IRAG2: variants seen among roughly 807,000 people sequenced by gnomAD.
IRAG2 encodes the protein lymphoid restricted membrane protein.
IRAG2 carries 45 observed loss-of-function variants against 69.9 expected under a neutral mutation model. The observed-to-expected ratio is 0.64, with a 90% CI of 0.51 to 0.83. The LOEUF is 0.83. IRAG2 is among the 40% of genes least tolerant of loss of function. The pLI is 0.00. For synonymous variants in IRAG2, 193 were observed against 202.4 expected, an observed-to-expected ratio of 0.95 and a Z score of 0.40; for missense variants, 520 against 587.0, an observed-to-expected ratio of 0.89 and a Z score of 1.18.
chr12:25,044,753 A>G (rs1944778824), intron 16 of IRAG2, among the ~76,000 whole-genome samples: 2 of 152,170 alleles, frequency 1.3e-5, no homozygotes, highest in Admixed American at 1.3e-4. Flanking sequence ...GAACCTAAAT[A>G]TATAAAGCAA....
chr12:25,093,593 CT>C (rs1323987954), intron 14 of IRAG2: 9 of 153,340 alleles, frequency 5.9e-5, no homozygotes, highest in Non-Finnish European at 1.2e-4. Context: ...GCTCGAGCTT[CT>C]TTTTGCTTCT....
rs1481196711 is a variant in IRAG2 at position 25,010,475 on chromosome 12, AC to A, written c.689-868del. Reference sequence around the variant, plus strand: ...AGCAAGACCCTGTGTCAAAAAACAAACAAAAAAAAAAAACAGTTCTCTCTCT... The same window carrying A: ...AGCAAGACCCTGTGTCAAAAAACAAAAAAAAAAAAAAACAGTTCTCTCTCT... On this transcript the variant is annotated intron_variant, in intron 2 of 38. Transcript: ENST00000636465. Among the ~76,000 whole-genome samples the A allele has an allele frequency of 1.3e-3, 114 of 89,828 alleles. 1 individual carries two copies. Among genetic ancestry groups the A allele is most frequent in the African/African-American group, 3.9e-3 (105 of 26,788 alleles). 58.9% of individuals were successfully genotyped at this position (89,828 alleles called of 152,430 possible). A position where few individuals can be genotyped will look rare whatever the true frequency, so the allele number is the denominator to read the frequency against.
intron 14 of IRAG2, chr12:25,035,916 T>C (rs1455050542): frequency 2.5e-6 from 1 of 396,486 alleles, no homozygotes; most frequent in East Asian, 3.6e-5. Context: ...TAATACACTC[T>C]GAAAAGCGAA....
chr12:25,071,930 G>A (rs926471043), intron 6 of IRAG2, among the ~76,000 whole-genome samples: 5 of 152,122 alleles, frequency 3.3e-5, no homozygotes, highest in South Asian at 2.1e-4. Flanking sequence ...TGGGCTGGGC[G>A]CAGTGGCACA....
At chr12:25,031,994 C>T (rs991551320) in intron 10 of IRAG2, 1 of 389,822 alleles carries the variant, frequency 2.6e-6, no homozygotes, top group African/African-American at 2.1e-5. Flanking sequence ...AAAACACCGA[C>T]TGGTTCAGTT....
At chr12:25,031,916 C>T (rs1944670918) in intron 10 of IRAG2, among the ~76,000 whole-genome samples, 1 of 152,174 alleles carries the variant, frequency 6.6e-6, no homozygotes, top group Non-Finnish European at 1.5e-5. Context: ...CCCTCCTCGG[C>T]CTCCCAAAGT....
intron 1 of IRAG2, among the ~76,000 whole-genome samples, chr12:25,058,781 G>A (rs1215528529): frequency 6.6e-6 from 1 of 152,210 alleles, no homozygotes; most frequent in Non-Finnish European, 1.5e-5. Context: ...CTACATGGCA[G>A]ATGGCAACAG....
chr12:25,102,498 C>T (rs755541482), intron 17 of IRAG2: 3 of 454,172 alleles, frequency 6.6e-6, no homozygotes, highest in Non-Finnish European at 1.2e-5. Flanking sequence ...AAGTGGGTAA[C>T]CCGACAATGG....
At chr12:25,082,492 T>C (rs1249345835) in intron 9 of IRAG2, among the ~76,000 whole-genome samples, 2 of 151,504 alleles carry the variant, frequency 1.3e-5, no homozygotes, top group Non-Finnish European at 2.9e-5. Flanking sequence ...CCCAGACACT[T>C]GGGAGGCTGA....
At chr12:25,018,245 G>A (rs1216034061) in intron 6 of IRAG2, among the ~76,000 whole-genome samples, 1 of 131,468 alleles carries the variant, frequency 7.6e-6, no homozygotes, top group East Asian at 2.2e-4. Context: ...CACCCAGGCT[G>A]TAGTGCAGCG....
At chr12:25,031,306 C>T (rs2139847594) in intron 10 of IRAG2, among the ~76,000 whole-genome samples, 1 of 152,294 alleles carries the variant, frequency 6.6e-6, no homozygotes, top group Non-Finnish European at 1.5e-5. Context: ...CACCGTTCTG[C>T]ACTCCTGCTC....
intron 9 of IRAG2, among the ~76,000 whole-genome samples, chr12:25,027,598 G>A (rs1472346799): frequency 3.3e-5 from 5 of 152,004 alleles, no homozygotes; most frequent in Admixed American, 3.3e-4. Flanking sequence ...GTTTCACCAT[G>A]TTAGCCAGGA....
At chr12:25,106,650 G>A (rs1949160951) in intron 20 of IRAG2, among the ~76,000 whole-genome samples, 2 of 140,060 alleles carry the variant, frequency 1.4e-5, no homozygotes, top group African/African-American at 5.0e-5. Context: ...TTCCCTTTTT[G>A]TATATACTTG....
At chr12:25,095,782 A>AT (rs978539674) in intron 14 of IRAG2, among the ~76,000 whole-genome samples, 2 of 152,256 alleles carry the variant, frequency 1.3e-5, no homozygotes, top group Admixed American at 6.5e-5. Context: ...TTATTGGGTG[A>AT]TTTTTGATTA....
intron 6 of IRAG2, chr12:25,076,676 G>GT (rs1489673455): frequency 6.6e-6 from 6 of 902,334 alleles, no homozygotes; most frequent in African/African-American, 3.6e-5. Flanking sequence ...AGTGTGTAGT[G>GT]TTTTTTAGTT....
intron 4 of IRAG2, among the ~76,000 whole-genome samples, chr12:25,064,864 C>T (rs551055026): frequency 2.3e-4 from 35 of 152,136 alleles, no homozygotes; most frequent in Admixed American, 5.2e-4. Flanking sequence ...CCGAGGTGGG[C>T]GGATTGCTTG....
upstream of IRAG2, among the ~76,000 whole-genome samples, chr12:25,047,710 C>T (rs1268749901): frequency 3.9e-5 from 6 of 152,076 alleles, no homozygotes; most frequent in African/African-American, 1.2e-4. Flanking sequence ...GAACATGTGA[C>T]GTTTGGTTTT....
rs140672986 is a variant in IRAG2 at position 25,054,462 on chromosome 12, T to C, written c.-447+1506T>C. 2.0e-3 allele frequency among the ~76,000 whole-genome samples: 305 copies of C among 152,350 alleles called. 1 individual carries two copies. Among genetic ancestry groups the C allele is most frequent in the African/African-American group, 7.0e-3 (290 of 41,566 alleles). On this transcript the variant is annotated intron_variant, in intron 1 of 21. Coordinates refer to ENST00000556887, the MANE Select transcript of IRAG2 (RefSeq NM_001366544.2). ...TTCCCCTTCCTCACTGTGATTTTCT[T>C]GCAGTATTTTCTTAGAAGAGTCAAC...
chr12:25,026,905 T>C, intron 9 of IRAG2: 10 of 1,021,720 alleles, frequency 9.8e-6, no homozygotes, highest in Non-Finnish European at 1.1e-5. Context: ...ATTTTTTTTC[T>C]GTCAAACCAG....
Sources: gnomAD v4.1 joint callset for allele counts (sites outside exome capture counted in the v4.1 genomes callset) on GRCh38, gnomAD v4.1.1 for gene constraint, MANE v1.5 for transcripts, NCBI Gene and HGNC (gene_info 2026-07-23, HGNC 2026-07-21) for gene names.